Variants in ACAP2 observed in about 807,000 individuals in gnomAD.
The protein encoded by ACAP2 is arf-GAP with coiled-coil, ANK repeat and PH domain-containing protein 2.
Under a neutral mutation model 115.8 loss-of-function variants are expected in ACAP2, and 39 were observed. That is an observed-to-expected ratio of 0.34 (90% CI 0.26 to 0.44). ACAP2 has a LOEUF of 0.44. Ranked by LOEUF, ACAP2 falls within the 20% of genes least tolerant of loss-of-function variation. The probability of loss-of-function intolerance (pLI) is 1.00; values close to 1 mark genes in which losing one functional copy is unlikely to be tolerated. For missense variants in ACAP2, 662 were observed against 927.6 expected (o/e 0.71, Z 3.72); for synonymous variants, 289 against 315.8 (o/e 0.92, Z 0.90).
intron 2 of ACAP2, among the ~76,000 whole-genome samples, chr3:195,387,842 C>T (rs1734404940): frequency 6.6e-6 from 1 of 152,194 alleles, no homozygotes; most frequent in African/African-American, 2.4e-5. Flanking sequence ...TAGAATTTAC[C>T]ACGTGCCAAG....
At chr3:195,302,517 T>A (rs576615235) in intron 13 of ACAP2, among the ~76,000 whole-genome samples, 1 of 151,724 alleles carries the variant, frequency 6.6e-6, no homozygotes, top group South Asian at 2.1e-4. Context: ...AACTCAAGAA[T>A]GAAATAAATA....
chr3:195,345,197 C>A (rs1056945754), intron 5 of ACAP2, 62 bp downstream of exon 5: 12 of 1,146,216 alleles, frequency 1.0e-5, no homozygotes, highest in Non-Finnish European at 1.6e-5. Flanking sequence ...CCAAAAGATA[C>A]GAATTCTCAG....
At chr3:195,416,789 T>G (rs1034734993) in intron 1 of ACAP2, among the ~76,000 whole-genome samples, 2 of 152,188 alleles carry the variant, frequency 1.3e-5, no homozygotes, top group African/African-American at 2.4e-5. Flanking sequence ...CTCACAACAC[T>G]AGAAGAACAC....
rs555760245 is a variant in ACAP2, at chr3:195,414,004, A to G, written c.54-21857T>C. On this transcript the variant is annotated intron_variant, in intron 1 of 22. Transcript: ENST00000326793. ...AAAAAAGAAAAAAAAAGAAAGAAAA[A>G]GAAAAAAAGAAAGAAAAGAGGAGGA... Among the ~76,000 whole-genome samples the G allele has an allele frequency of 2.5e-3, 385 of 152,194 alleles. 1 individual carries two copies. The highest frequency in any genetic ancestry group is 8.8e-3 in the African/African-American group (366 of 41,546).
chr3:195,377,955 GT>G (rs1253490316), intron 4 of ACAP2, among the ~76,000 whole-genome samples: 1 of 150,512 alleles, frequency 6.6e-6, no homozygotes, highest in Non-Finnish European at 1.5e-5. Context: ...ACAAAAAGTG[GT>G]TTTTTTCTTA....
At chr3:195,350,940 A>C (rs1435001890) in intron 4 of ACAP2, among the ~76,000 whole-genome samples, 2 of 152,124 alleles carry the variant, frequency 1.3e-5, no homozygotes, top group Non-Finnish European at 2.9e-5. Context: ...GGTTAAGCAA[A>C]CATTTCCTAA....
In ACAP2 at chr3:195,442,954, C is replaced by CTGGTCATA; in HGVS notation, c.-108_-107insTATGACCA. ...GGGCGCACGGCCGCGACTAGCGTTG[C>CTGGTCATA]GCGGAGCTGCGAAGGGCGCCTCGCC... On this transcript the variant is annotated 5_prime_UTR_variant, in exon 1 of 23. It adds an upstream start codon to the 5' untranslated region. Transcript: ENST00000326793. 1 of 1,049,456 alleles carries CTGGTCATA rather than the reference C, an allele frequency of 9.5e-7. No individual in the cohort carries two copies. The highest frequency in any genetic ancestry group is 1.3e-6 in the Non-Finnish European group (1 of 765,122). The allele number at this position is 1,049,456 out of a possible 1,614,324, so 65.0% of individuals were successfully genotyped here. A position where few individuals can be genotyped will look rare whatever the true frequency, so the allele number is the denominator to read the frequency against.
intron 4 of ACAP2, among the ~76,000 whole-genome samples, chr3:195,366,448 C>G (rs915011837): frequency 6.6e-6 from 1 of 152,168 alleles, no homozygotes; most frequent in Non-Finnish European, 1.5e-5. Flanking sequence ...CTGGTGACTC[C>G]AGAATCAGTA....
intron 13 of ACAP2, among the ~76,000 whole-genome samples, chr3:195,304,662 T>C (rs182156255): frequency 6.6e-6 from 1 of 152,278 alleles, no homozygotes; most frequent in Admixed American, 6.5e-5. Flanking sequence ...ATACATACAA[T>C]ATGCTAAGAT....
intron 7 of ACAP2, among the ~76,000 whole-genome samples, chr3:195,333,514 T>A (rs544229024): frequency 2.1e-4 from 32 of 152,356 alleles, no homozygotes; most frequent in African/African-American, 7.7e-4. Context: ...CAAATCTATT[T>A]GAAAATTAAA....
At chr3:195,384,135 C>G (rs944111941) in intron 2 of ACAP2, among the ~76,000 whole-genome samples, 2 of 152,044 alleles carry the variant, frequency 1.3e-5, no homozygotes, top group African/African-American at 4.8e-5. Flanking sequence ...ATGTATTCTA[C>G]AACTATATTT....
At position 195,363,648 on chromosome 3, in the gene ACAP2, A is replaced by ACAC. The variant is rs1560288912; in HGVS notation, c.285+17360_285+17361insGTG. Among the ~76,000 whole-genome samples, 87 of 82,694 alleles carry ACAC rather than the reference A, an allele frequency of 1.1e-3. 1 individual carries two copies. Among genetic ancestry groups the ACAC allele is most frequent in the African/African-American group, 3.6e-3 (81 of 22,312 alleles). 54.3% of individuals were successfully genotyped at this position (82,694 alleles called of 152,430 possible). ...ACACACACACACACACACACACACAAAAACAGAATAGCCAAAACTATCCTA... is the reference window on the plus strand; with the variant it reads ...ACACACACACACACACACACACACAACACAAACAGAATAGCCAAAACTATCCTA... On this transcript the variant is annotated intron_variant, in intron 4 of 22. Coordinates refer to ENST00000326793, the MANE Select transcript of ACAP2 (RefSeq NM_012287.6).
rs1467407573 is a variant in ACAP2, at chr3:195,394,919, T to C, written c.54-2772A>G. ...GGCCACAGGGCAAGACTCCATCTCT[T>C]TTTTTTTTTTTTTTTTAAAGTAGGG... On this transcript the variant is annotated intron_variant, in intron 1 of 22. Transcript: ENST00000326793. Among the ~76,000 whole-genome samples the C allele has an allele frequency of 1.3e-4, 18 of 143,144 alleles. 1 individual carries two copies. The highest frequency in any genetic ancestry group is 3.6e-4 in the African/African-American group (14 of 38,672). 93.9% of individuals were successfully genotyped at this position (143,144 alleles called of 152,430 possible). A position where few individuals can be genotyped will look rare whatever the true frequency, so the allele number is the denominator to read the frequency against.
At chr3:195,368,804 C>T (rs1732909140) in intron 4 of ACAP2, among the ~76,000 whole-genome samples, 1 of 152,170 alleles carries the variant, frequency 6.6e-6, no homozygotes, top group African/African-American at 2.4e-5. Flanking sequence ...AAGAAATCGG[C>T]AGAGCACAGT....
At chr3:195,332,001 G>T (rs1730202098) in intron 8 of ACAP2, among the ~76,000 whole-genome samples, 1 of 151,838 alleles carries the variant, frequency 6.6e-6, no homozygotes. Flanking sequence ...GGGCATGGTG[G>T]CGGGCACCTG....
chr3:195,345,326 T>C lies in ACAP2; in HGVS notation c.286-9A>G. On this transcript the variant is annotated splice_polypyrimidine_tract_variant and intron_variant, in intron 4 of 22. Transcript: ENST00000326793. ...GTTTGGTCAAACAGGATCTAAAAAATAAAATGTAATATTAAGTGATTAGAA... is the reference window on the plus strand; with the variant it reads ...GTTTGGTCAAACAGGATCTAAAAAACAAAATGTAATATTAAGTGATTAGAA... 6.4e-7 allele frequency: 1 copy of C among 1,555,294 alleles called. No homozygotes were observed. Among genetic ancestry groups the C allele is most frequent in the South Asian group, 1.1e-5 (1 of 89,306 alleles).
chr3:195,305,166 G>A (rs1056453345), intron 13 of ACAP2, among the ~76,000 whole-genome samples: 2 of 152,174 alleles, frequency 1.3e-5, no homozygotes, highest in African/African-American at 4.8e-5. Flanking sequence ...TTAAGTATGT[G>A]CTAGCAGAAC....
intron 15 of ACAP2, among the ~76,000 whole-genome samples, chr3:195,300,943 AG>A (rs1308101291): frequency 1.3e-5 from 2 of 152,194 alleles, no homozygotes; most frequent in African/African-American, 2.4e-5. Context: ...CTTTGAGCCA[AG>A]GAAGTCCCGG....
At chr3:195,328,406 T>A (rs1324901333) in intron 8 of ACAP2, among the ~76,000 whole-genome samples, 1 of 152,110 alleles carries the variant, frequency 6.6e-6, no homozygotes, top group Non-Finnish European at 1.5e-5. Context: ...TACTGAATAG[T>A]AATAAAGATT....
Sources: allele counts gnomAD v4.1 joint callset (sites outside exome capture counted in the v4.1 genomes callset), GRCh38; gene constraint gnomAD v4.1.1; transcripts MANE v1.5; gene names NCBI Gene and HGNC (gene_info 2026-07-23, HGNC 2026-07-21).